The following LDLRAD4 variants were observed in gnomAD, a reference collection of about 807,000 sequenced individuals.
The protein encoded by LDLRAD4 is low-density lipoprotein receptor class A domain-containing protein 4.
A neutral mutation model predicts 17.0 loss-of-function variants in LDLRAD4; 5 were observed. That is an observed-to-expected ratio of 0.29 (90% CI 0.15 to 0.62). The LOEUF (loss-of-function observed/expected upper bound fraction) is 0.62, where lower values mean the gene tolerates loss of function less well. Among genes scored for constraint, LDLRAD4 ranks in the 20% least tolerant of loss-of-function variants. The probability of loss-of-function intolerance (pLI) is 0.84; values close to 1 mark genes in which losing one functional copy is unlikely to be tolerated. For missense variants in LDLRAD4, 340 were observed against 424.7 expected (o/e 0.80, Z 1.75); for synonymous variants, 168 against 171.8 (o/e 0.98, Z 0.17).
intron 1 of LDLRAD4, among the ~76,000 whole-genome samples, chr18:13,339,042 T>C (rs1359045849): frequency 6.6e-6 from 1 of 152,160 alleles, no homozygotes; most frequent in Non-Finnish European, 1.5e-5. Context: ...CCACATATTT[T>C]TGTAGGGAAA....
intron 1 of LDLRAD4, among the ~76,000 whole-genome samples, chr18:13,361,345 A>G (rs556666875): frequency 2.0e-5 from 3 of 152,296 alleles, no homozygotes; most frequent in Admixed American, 2.0e-4. Flanking sequence ...TGTCATTTTA[A>G]CATACATAAT....
chr18:13,469,992 T>TA (rs573616711), intron 3 of LDLRAD4, among the ~76,000 whole-genome samples: 51 of 152,306 alleles, frequency 3.3e-4, no homozygotes, highest in African/African-American at 1.1e-3. Context: ...TTTACTACAA[T>TA]AAAAAGTTAG....
intron 1 of LDLRAD4, among the ~76,000 whole-genome samples, chr18:13,238,537 T>C (rs1440087551): frequency 2.6e-5 from 4 of 152,172 alleles, no homozygotes; most frequent in Non-Finnish European, 4.4e-5. Flanking sequence ...CTGGGTTATT[T>C]TGGAGAGCAG....
rs543035848 is a variant in LDLRAD4 at position 13,518,421 on chromosome 18, G to A, written c.181+80037G>A. ...AATGGGATTGTCATTTTAAAAAGTCGTCTTTCTCCTTATACAAAGTTCCCA... is the reference window on the plus strand; with the variant it reads ...AATGGGATTGTCATTTTAAAAAGTCATCTTTCTCCTTATACAAAGTTCCCA... On this transcript the variant is annotated intron_variant, in intron 3 of 5. Transcript: ENST00000359446. Among the ~76,000 whole-genome samples, 14 of 152,100 alleles carry A rather than the reference G, an allele frequency of 9.2e-5. No homozygotes were observed. The East Asian group carries it at 9.6e-4, about 10-fold the overall frequency.
intron 1 of LDLRAD4, among the ~76,000 whole-genome samples, chr18:13,296,232 G>C (rs530260845): frequency 2.6e-5 from 4 of 152,252 alleles, no homozygotes; most frequent in African/African-American, 9.6e-5. Flanking sequence ...AAATCAGACC[G>C]GGCTGTGATT....
intron 3 of LDLRAD4, chr18:13,613,208 T>A (rs1178925891): frequency 1.2e-5 from 2 of 161,582 alleles, no homozygotes; most frequent in African/African-American, 4.8e-5. Flanking sequence ...AACACTTTCT[T>A]AGGTCATCCA....
At chr18:13,258,192 A>G (rs974727144) in intron 1 of LDLRAD4, among the ~76,000 whole-genome samples, 6 of 152,164 alleles carry the variant, frequency 3.9e-5, no homozygotes, top group Non-Finnish European at 8.8e-5. Context: ...TCCAAAATCC[A>G]TTTTTTCCCA....
chr18:13,562,613 G>A (rs750394323), intron 3 of LDLRAD4, among the ~76,000 whole-genome samples: 4 of 152,108 alleles, frequency 2.6e-5, no homozygotes, highest in Non-Finnish European at 4.4e-5. Flanking sequence ...CTGAAAGTTC[G>A]TACCCTTTGA....
intron 1 of LDLRAD4, among the ~76,000 whole-genome samples, chr18:13,234,749 C>T (rs960147572): frequency 6.6e-6 from 1 of 152,186 alleles, no homozygotes; most frequent in African/African-American, 2.4e-5. Flanking sequence ...CGCCCCACCC[C>T]ATGGACTGCT....
In LDLRAD4 at chr18:13,398,775, C is replaced by T. The variant is rs2086912743; in HGVS notation, c.40+11013C>T. ...GCCTGGACGTGGGGATACGTCTCTG[C>T]AGAACCAGGCCCTGCCAGTGACCAG... On this transcript the variant is annotated intron_variant, in intron 2 of 5. Transcript: ENST00000359446. The surrounding 1 kb of genome is among the most constrained non-coding windows in gnomAD (Gnocchi z 4.8). Among the ~76,000 whole-genome samples, 1 of 152,136 alleles carries T rather than the reference C, an allele frequency of 6.6e-6. No homozygotes were observed. Among genetic ancestry groups the T allele is most frequent in the South Asian group, 2.1e-4 (1 of 4,814 alleles).
intron 2 of LDLRAD4, among the ~76,000 whole-genome samples, chr18:13,394,142 T>C (rs2086479881): frequency 6.6e-6 from 1 of 152,262 alleles, no homozygotes; most frequent in Admixed American, 6.5e-5. Context: ...TGGTTTTTCC[T>C]TCATGCTGTT....
At chr18:13,248,171 C>T (rs748165238) in intron 1 of LDLRAD4, among the ~76,000 whole-genome samples, 4 of 152,134 alleles carry the variant, frequency 2.6e-5, no homozygotes, top group Non-Finnish European at 5.9e-5. Flanking sequence ...CCATGTTGGT[C>T]AGGCTGTTCT....
At chr18:13,640,016 G>A (rs2042390431) in intron 4 of LDLRAD4, among the ~76,000 whole-genome samples, 1 of 152,166 alleles carries the variant, frequency 6.6e-6, no homozygotes, top group African/African-American at 2.4e-5. Context: ...GCAAGGTGCG[G>A]TGGCTCACGC....
chr18:13,644,216 C>T (rs531850170), intron 5 of LDLRAD4, among the ~76,000 whole-genome samples: 39 of 152,064 alleles, frequency 2.6e-4, no homozygotes, highest in African/African-American at 9.2e-4. Context: ...ATTAATAAAT[C>T]GACCCAATGC....
In LDLRAD4 at chr18:13,622,413, G is replaced by A. The variant is rs1477552351; in HGVS notation, c.336+1142G>A. On this transcript the variant is annotated intron_variant, in intron 4 of 5. Transcript: ENST00000359446. The surrounding 1 kb of genome is among the most constrained non-coding windows in gnomAD (Gnocchi z 5.3). ...GGTGAGGGCTAGACGGGGCAGCCTCGGGGAGGAGATGGGATGCCAGGGGAA... is the reference window on the plus strand; with the variant it reads ...GGTGAGGGCTAGACGGGGCAGCCTCAGGGAGGAGATGGGATGCCAGGGGAA... 6.6e-6 allele frequency among the ~76,000 whole-genome samples: 1 copy of A among 152,150 alleles called. No homozygotes were observed. Among genetic ancestry groups the A allele is most frequent in the Non-Finnish European group, 1.5e-5 (1 of 68,016 alleles).
intron 3 of LDLRAD4, among the ~76,000 whole-genome samples, chr18:13,589,927 C>T (rs2094988840): frequency 2.0e-5 from 3 of 152,028 alleles, no homozygotes; most frequent in Non-Finnish European, 4.4e-5. Flanking sequence ...TCACAAAAGC[C>T]AGTGGGGAAA....
intron 1 of LDLRAD4, among the ~76,000 whole-genome samples, chr18:13,381,840 G>C (rs1422984651): frequency 1.3e-5 from 2 of 152,252 alleles, no homozygotes; most frequent in East Asian, 3.8e-4. Context: ...ATGATGCATA[G>C]GTGAGCTGTG....
At chr18:13,526,297 G>C (rs2094030883) in intron 3 of LDLRAD4, 1 of 152,172 alleles carries the variant, frequency 6.6e-6, no homozygotes, top group Non-Finnish European at 1.5e-5. Context: ...AATATCCCCG[G>C]ATAAGCTGGG....
At chr18:13,529,175 GC>G (rs955933959) in intron 3 of LDLRAD4, among the ~76,000 whole-genome samples, 24 of 152,216 alleles carry the variant, frequency 1.6e-4, no homozygotes, top group African/African-American at 5.3e-4. Flanking sequence ...ACCAGAGCTT[GC>G]CCCCAGCCAC....
Sources: allele counts gnomAD v4.1 joint callset (sites outside exome capture counted in the v4.1 genomes callset), GRCh38; gene constraint gnomAD v4.1.1; non-coding constraint Gnocchi (gnomAD v3.1); transcripts MANE v1.5; gene names NCBI Gene and HGNC (gene_info 2026-07-23, HGNC 2026-07-21).